Variants in KIAA1217 observed in about 807,000 individuals in gnomAD.
The protein encoded by KIAA1217 is sickle tail protein homolog.
KIAA1217 carries 88 observed loss-of-function variants against 163.9 expected under a neutral mutation model. The observed-to-expected ratio is 0.54, with a 90% CI of 0.45 to 0.64. KIAA1217 has a LOEUF of 0.64. KIAA1217 is among the 30% of genes least tolerant of loss of function. The pLI is 0.00. For missense variants in KIAA1217, 2,372 were observed against 2,475.0 expected, an observed-to-expected ratio of 0.96 and a Z score of 0.88; for synonymous variants, 903 against 923.1, an observed-to-expected ratio of 0.98 and a Z score of 0.39.
At chr10:24,103,625 GA>G (rs201537217) in intron 2 of KIAA1217, among the ~76,000 whole-genome samples, 3,191 of 151,920 alleles carry the variant, frequency 0.021, 66 homozygotes, top group Non-Finnish European at 0.032. Flanking sequence ...TATACAGATA[GA>G]AAAAAAGCAT....
chr10:24,382,342 T>C (rs1263191167), intron 3 of KIAA1217, among the ~76,000 whole-genome samples: 4 of 152,042 alleles, frequency 2.6e-5, no homozygotes, highest in Admixed American at 1.3e-4. Context: ...AAAAGATTGA[T>C]GTGAGAGAAG....
chr10:24,196,138 C>A (rs140213251), intron 2 of KIAA1217, among the ~76,000 whole-genome samples: 7 of 4,948 alleles, frequency 1.4e-3, no homozygotes, highest in Admixed American at 5.7e-3. Flanking sequence ...TGTCTCAAAA[C>A]ACACACACAC....
At chr10:24,128,320 A>G (rs1280684824) in intron 2 of KIAA1217, among the ~76,000 whole-genome samples, 1 of 152,236 alleles carries the variant, frequency 6.6e-6, no homozygotes, top group African/African-American at 2.4e-5. Flanking sequence ...GCAAGGGTCA[A>G]TAATCATTTT....
intron 5 of KIAA1217, among the ~76,000 whole-genome samples, chr10:24,438,870 G>A (rs1428946989): frequency 6.6e-6 from 1 of 152,112 alleles, no homozygotes; most frequent in Non-Finnish European, 1.5e-5. Flanking sequence ...ACAATTGCAT[G>A]GAAAATCTAT....
intron 2 of KIAA1217, among the ~76,000 whole-genome samples, chr10:24,065,835 G>T (rs796504122): frequency 6.6e-6 from 1 of 152,114 alleles, no homozygotes; most frequent in Non-Finnish European, 1.5e-5. Context: ...CCTGTATTGG[G>T]TGCATATATA....
intron 2 of KIAA1217, among the ~76,000 whole-genome samples, chr10:24,134,959 G>A (rs2063780624): frequency 6.6e-6 from 1 of 152,118 alleles, no homozygotes; most frequent in African/African-American, 2.4e-5. Context: ...GTAAGCAGTG[G>A]GATGATAAAT....
chr10:24,287,566 C>A (rs1473890551), intron 2 of KIAA1217, among the ~76,000 whole-genome samples: 1 of 152,172 alleles, frequency 6.6e-6, no homozygotes, highest in Middle Eastern at 3.2e-3. Flanking sequence ...ATAAAAAATA[C>A]TATGTTCTTT....
intron 1 of KIAA1217, among the ~76,000 whole-genome samples, chr10:23,712,801 T>C (rs1194137455): frequency 6.6e-6 from 1 of 152,164 alleles, no homozygotes; most frequent in African/African-American, 2.4e-5. Context: ...AAATACCAGT[T>C]AATTAAATAA....
At chr10:24,151,799 C>A (rs1170916444) in intron 2 of KIAA1217, among the ~76,000 whole-genome samples, 1 of 151,868 alleles carries the variant, frequency 6.6e-6, no homozygotes, top group Non-Finnish European at 1.5e-5. Flanking sequence ...GAGGATTTAA[C>A]CAATCCTCTC....
chr10:24,323,850 G>T (rs2044506152), intron 2 of KIAA1217, among the ~76,000 whole-genome samples: 1 of 145,460 alleles, frequency 6.9e-6, no homozygotes, highest in African/African-American at 2.6e-5. Context: ...ACTTAGGGTG[G>T]TTTTTTTTCG....
chr10:24,250,337 G>A (rs1339490022), intron 2 of KIAA1217, among the ~76,000 whole-genome samples: 6 of 152,082 alleles, frequency 3.9e-5, no homozygotes, highest in South Asian at 2.1e-4. Context: ...TGCTGCCCAC[G>A]CATTTTGCAC....
chr10:24,417,012 A>G (rs770123825), intron 3 of KIAA1217, among the ~76,000 whole-genome samples: 7 of 152,142 alleles, frequency 4.6e-5, no homozygotes, highest in Non-Finnish European at 7.4e-5. Context: ...GTCAGTCACA[A>G]GGATTTAGGG....
intron 2 of KIAA1217, among the ~76,000 whole-genome samples, chr10:24,022,771 T>C (rs1017317210): frequency 6.6e-6 from 1 of 151,642 alleles, no homozygotes; most frequent in Non-Finnish European, 1.5e-5. Flanking sequence ...GAATATTATG[T>C]AGTGATAAAA....
chr10:23,962,877 C>A (rs779875818), intron 1 of KIAA1217, among the ~76,000 whole-genome samples: 3 of 152,142 alleles, frequency 2.0e-5, no homozygotes, highest in Non-Finnish European at 4.4e-5. Flanking sequence ...TCCCTGTAAT[C>A]AGGCAGAGCA....
chr10:24,085,520 T>C (rs117469703), intron 2 of KIAA1217, among the ~76,000 whole-genome samples: 2,121 of 152,232 alleles, frequency 0.014, 34 homozygotes, highest in Middle Eastern at 0.054. Context: ...CGGCCACCAA[T>C]AATGGGCCCC....
At chr10:23,744,997 A>G (rs941737040) in intron 1 of KIAA1217, among the ~76,000 whole-genome samples, 2 of 152,116 alleles carry the variant, frequency 1.3e-5, no homozygotes, top group Non-Finnish European at 2.9e-5. Flanking sequence ...AAATATTAGG[A>G]TCACCCAAAA....
chr10:23,884,742 G>A (rs748348282), intron 1 of KIAA1217, among the ~76,000 whole-genome samples: 3 of 152,000 alleles, frequency 2.0e-5, no homozygotes, highest in South Asian at 2.1e-4. Flanking sequence ...GCACTGACAC[G>A]TGGTAGAATT....
chr10:24,237,879 T>C (rs1156244450), intron 2 of KIAA1217, among the ~76,000 whole-genome samples: 1 of 152,212 alleles, frequency 6.6e-6, no homozygotes, highest in Admixed American at 6.5e-5. Context: ...CCTTCAAAGG[T>C]AACCTCCCAT....
chr10:24,012,618 A>G (rs1241996237), intron 2 of KIAA1217, among the ~76,000 whole-genome samples: 1 of 152,152 alleles, frequency 6.6e-6, no homozygotes, highest in Admixed American at 6.5e-5. Flanking sequence ...CCCTAAACAC[A>G]ATACTGAAGT....
Sources: allele counts gnomAD v4.1 joint callset (sites outside exome capture counted in the v4.1 genomes callset), GRCh38; gene constraint gnomAD v4.1.1; transcripts MANE v1.5; gene names NCBI Gene and HGNC (gene_info 2026-07-23, HGNC 2026-07-21).